Variants in TUBGCP5 observed in about 807,000 individuals in gnomAD.
The protein encoded by TUBGCP5 is tubulin gamma complex component 5, also known as gamma-tubulin complex component 5.
In TUBGCP5, 98 loss-of-function variants were observed where a neutral mutation model predicts 134.7. That is an observed-to-expected ratio of 0.73 (90% CI 0.62 to 0.86). The LOEUF (loss-of-function observed/expected upper bound fraction) is 0.86, where lower values mean the gene tolerates loss of function less well. Ranked by LOEUF, TUBGCP5 falls within the 40% of genes least tolerant of loss-of-function variation. The pLI, the probability that TUBGCP5 is intolerant of heterozygous loss-of-function variation, is 0.00. For missense variants in TUBGCP5, 1,150 were observed against 1,244.8 expected, an observed-to-expected ratio of 0.92 and a Z score of 1.15; for synonymous variants, 456 against 431.4, an observed-to-expected ratio of 1.06 and a Z score of -0.71.
chr15:23,012,754 G>C (rs1233994122), intron 13 of TUBGCP5, among the ~76,000 whole-genome samples: 2 of 152,164 alleles, frequency 1.3e-5, no homozygotes, highest in African/African-American at 2.4e-5. Flanking sequence ...CTGCTCATAA[G>C]AAATTCTTAT....
chr15:23,007,819 G>T (rs1376026241), intron 16 of TUBGCP5, among the ~76,000 whole-genome samples: 1 of 152,204 alleles, frequency 6.6e-6, no homozygotes, highest in Non-Finnish European at 1.5e-5. Flanking sequence ...GGAGCATAGG[G>T]ATGAGTGGTG....
At chr15:23,007,398 G>C (rs369760458) in intron 16 of TUBGCP5, among the ~76,000 whole-genome samples, 1 of 152,072 alleles carries the variant, frequency 6.6e-6, no homozygotes, top group East Asian at 1.9e-4. Context: ...TCAAAAAAAA[G>C]AATTTTTAGC....
intron 19 of TUBGCP5, 100 bp downstream of exon 19, chr15:23,005,332 C>A: frequency 7.2e-7 from 1 of 1,383,048 alleles, no homozygotes. Flanking sequence ...TTTTCACAGT[C>A]TGTAGGTATT....
intron 23 of TUBGCP5, among the ~76,000 whole-genome samples, chr15:22,990,071 C>T (rs921088540): frequency 6.6e-6 from 1 of 152,178 alleles, no homozygotes; most frequent in African/African-American, 2.4e-5. Context: ...TTAACATTCC[C>T]TGCACCTTTG....
downstream of TUBGCP5, among the ~76,000 whole-genome samples, chr15:22,997,601 T>G (rs928305954): frequency 6.6e-6 from 1 of 151,948 alleles, no homozygotes; most frequent in Non-Finnish European, 1.5e-5. Flanking sequence ...CAGTTCTAGC[T>G]TTCATATTTT....
chr15:22,993,267 CTT>C (rs1241456259), intron 23 of TUBGCP5, among the ~76,000 whole-genome samples: 1 of 151,626 alleles, frequency 6.6e-6, no homozygotes, highest in East Asian at 2.0e-4. Context: ...GCCCGGCTAA[CTT>C]TTGTATTTTT....
At position 23,024,032 on chromosome 15, in the gene TUBGCP5, G is replaced by C; in HGVS notation, c.1083C>G (p.Tyr361Ter). ...KKSTEAPFRT[Y>*]QAFMWALYKY... ...TGTACAGGGCCCACATGAAAGCCTG[G>C]TAGGTTCTAAAGGGAGCTTCAGTTG... is the stretch of plus-strand genomic sequence containing the variant. The change falls in exon 10 of 23, where the codon TAC becomes TAG. Residue 361 changes from tyrosine (Y) to a stop codon, truncating the protein, a stop_gained. Coordinates refer to ENST00000615383, the MANE Select transcript of TUBGCP5 (RefSeq NM_052903.6). LOFTEE classifies it high-confidence loss of function. 1 of 1,614,106 alleles carries C rather than the reference G, an allele frequency of 6.2e-7. No homozygotes were observed. The highest frequency in any genetic ancestry group is 8.5e-7 in the Non-Finnish European group (1 of 1,180,008).
chr15:23,038,317 ATC>A (rs1322421748), intron 1 of TUBGCP5, among the ~76,000 whole-genome samples: 1 of 152,202 alleles, frequency 6.6e-6, no homozygotes, highest in African/African-American at 2.4e-5. Flanking sequence ...AGTTCCTGAA[ATC>A]TGTGAATGAA....
chr15:23,022,263 CA>C, intron 10 of TUBGCP5, 102 bp from the exon 11 acceptor site: 1 of 1,187,652 alleles, frequency 8.4e-7, no homozygotes, highest in Non-Finnish European at 1.2e-6. Context: ...ACAGGCAGGG[CA>C]AAATGGAGGA....
At chr15:22,997,735 A>C (rs553645561), downstream of TUBGCP5, among the ~76,000 whole-genome samples, 7 of 151,690 alleles carry the variant, frequency 4.6e-5, no homozygotes, top group East Asian at 7.9e-4. Flanking sequence ...CTCTGGCCTC[A>C]GCCTCCTGAG....
At chr15:23,036,358 A>C (rs2066590629) in intron 3 of TUBGCP5, among the ~76,000 whole-genome samples, 1 of 152,204 alleles carries the variant, frequency 6.6e-6, no homozygotes, top group Non-Finnish European at 1.5e-5. Context: ...GAACATTTGG[A>C]CATGCGTGCC....
intron 5 of TUBGCP5, 38 bp downstream of exon 5, chr15:23,031,912 G>A (rs368216414): frequency 9.2e-6 from 14 of 1,515,518 alleles, no homozygotes; most frequent in Non-Finnish European, 1.3e-5. Context: ...CACCTGGCGT[G>A]TATTTCAATT....
At chr15:23,039,331 C>A in intron 1 of TUBGCP5, 67 bp downstream of exon 1, 1 of 1,251,874 alleles carries the variant, frequency 8.0e-7, no homozygotes, top group Non-Finnish European at 1.0e-6. Flanking sequence ...CGACCCCGGG[C>A]TGTGCGGGAC....
chr15:23,021,987 T>C lies in TUBGCP5; in HGVS notation c.1343A>G (p.Asp448Gly). ...NTLYKAILEYDNVGEASEQTV... is the reference protein window; with the variant it reads ...NTLYKAILEYGNVGEASEQTV... ...TTGCTCAGAGGCTTCTCCAACATTG[T>C]CATATTCAAGAATGGCCTTGTACAG... Residue 448 changes from aspartate to glycine, a missense_variant, in exon 11 of 23, where the codon GAC (aspartate) becomes GGC (glycine). This residue lies in a region of TUBGCP5 where 697 missense variants were observed against 850.1 expected (regional missense o/e 0.82). Coordinates refer to ENST00000615383, the MANE Select transcript of TUBGCP5 (RefSeq NM_052903.6). 6.2e-7 allele frequency: 1 copy of C among 1,614,144 alleles called. No individual in the cohort carries two copies. Among genetic ancestry groups the C allele is most frequent in the Non-Finnish European group, 8.5e-7 (1 of 1,180,026 alleles).
chr15:23,030,830 T>G, intron 6 of TUBGCP5, 55 bp downstream of exon 6: 1 of 1,591,498 alleles, frequency 6.3e-7, no homozygotes, highest in African/African-American at 1.4e-5. Flanking sequence ...AGTTTGCCTT[T>G]CCTTCTAGGG....
chr15:22,998,052 C>T (rs1156375372), downstream of TUBGCP5, among the ~76,000 whole-genome samples: 13 of 152,044 alleles, frequency 8.6e-5, no homozygotes, highest in East Asian at 1.5e-3. Context: ...CAGTGGCTCA[C>T]GCCTGTAATC....
chr15:22,998,409 T>C (rs1411035266), downstream of TUBGCP5, among the ~76,000 whole-genome samples: 1 of 152,218 alleles, frequency 6.6e-6, no homozygotes, highest in Non-Finnish European at 1.5e-5. Flanking sequence ...GTTGAAGCTA[T>C]TTTCCATGTA....
intron 12 of TUBGCP5, 29 bp from the exon 13 acceptor site, chr15:23,018,070 C>T (rs1203999829): frequency 7.7e-6 from 12 of 1,567,462 alleles, no homozygotes; most frequent in Non-Finnish European, 1.0e-5. Flanking sequence ...ATTTTAAACT[C>T]TTATTTCTCT....
chr15:23,005,801 A>C (rs2064674589), intron 18 of TUBGCP5, 191 bp from the exon 19 acceptor site: 7 of 693,562 alleles, frequency 1.0e-5, no homozygotes, highest in Non-Finnish European at 1.6e-5. Flanking sequence ...CACTTTTCCT[A>C]ATCAAGTTGT....
Sources: gnomAD v4.1 joint callset for allele counts (sites outside exome capture counted in the v4.1 genomes callset) on GRCh38, gnomAD v4.1.1 for gene constraint, gnomAD v4.1.1 regional missense constraint, MANE v1.5 for transcripts, NCBI Gene and HGNC (gene_info 2026-07-23, HGNC 2026-07-21) for gene names.